Variants in IMPDH1 observed in about 807,000 individuals in gnomAD.
IMPDH1 encodes the protein inosine-5'-monophosphate dehydrogenase 1.
In IMPDH1, 41 loss-of-function variants were observed where a neutral mutation model predicts 73.5. The ratio of observed to expected loss-of-function variants is 0.56; its 90% CI spans 0.43 to 0.72. The LOEUF is 0.72. IMPDH1 is among the 30% of genes least tolerant of loss of function. The pLI, the probability that IMPDH1 is intolerant of heterozygous loss-of-function variation, is 0.00. For synonymous variants in IMPDH1, 318 were observed against 334.3 expected (o/e 0.95, Z 0.53); for missense variants, 645 against 824.8 (o/e 0.78, Z 2.67).
rs748894253 is a variant in IMPDH1, at chr7:128,396,716, G to C, written c.1166-21C>G. ...CACCACTGGGGGTGGGGATGGGGCA[G>C]AGGAACAATGTGAGGATGGGATGCC... On this transcript the variant is annotated intron_variant, in intron 11 of 16. Transcript: ENST00000338791. This position sits in a 1 kb window ranked among gnomAD's most constrained non-coding sequence, Gnocchi z 4.0. 12 of 1,537,460 alleles carry C rather than the reference G, an allele frequency of 7.8e-6. No individual in the cohort carries two copies. In the South Asian group the frequency reaches 1.3e-4, roughly 17 times the overall value.
rs1797734932 is a variant in IMPDH1, at chr7:128,394,162, G to T, written c.1778+116C>A. On this transcript the variant is annotated intron_variant, in intron 16 of 16. Transcript: ENST00000338791. This position sits in a 1 kb window ranked among gnomAD's most constrained non-coding sequence, Gnocchi z 5.5. Reference sequence around the variant, plus strand: ...GAGGGGCCATCCTGCAGCAGCATCTGTCCCTGCTGCAGGTGGTCCATGGGG... The same window carrying T: ...GAGGGGCCATCCTGCAGCAGCATCTTTCCCTGCTGCAGGTGGTCCATGGGG... 1.7e-5 allele frequency: 14 copies of T among 815,616 alleles called. No individual in the cohort carries two copies. The highest frequency in any genetic ancestry group is 5.6e-5 in the Admixed American group (3 of 54,008). 50.5% of individuals were successfully genotyped at this position (815,616 alleles called of 1,614,324 possible).
chr7:128,392,730 A>C lies in IMPDH1; in HGVS notation c.*277T>G. ...GGCCAGGCTGGAGCAGGCTGCAGCA[A>C]GAAAGACCTGAGGCAGGCGCAGGGC... On this transcript the variant is annotated 3_prime_UTR_variant, in exon 17 of 17. Coordinates refer to ENST00000338791, the MANE Select transcript of IMPDH1 (RefSeq NM_000883.4). The C allele has an allele frequency of 2.1e-6, 1 of 476,320 alleles. No homozygotes were observed. Among genetic ancestry groups the C allele is most frequent in the Non-Finnish European group, 3.8e-6 (1 of 261,944 alleles). 29.5% of individuals were successfully genotyped at this position (476,320 alleles called of 1,614,324 possible). A position where few individuals can be genotyped will look rare whatever the true frequency, so the allele number is the denominator to read the frequency against.
At chr7:128,408,982 G>A (rs906709114) in intron 3 of IMPDH1, among the ~76,000 whole-genome samples, 1 of 152,210 alleles carries the variant, frequency 6.6e-6, no homozygotes, top group African/African-American at 2.4e-5. Context: ...ATCTAACCCA[G>A]CTGCCAGGTC....
At chr7:128,393,142 C>T in intron 16 of IMPDH1, 114 bp from the exon 17 acceptor site, 1 of 1,203,946 alleles carries the variant, frequency 8.3e-7, no homozygotes, top group Admixed American at 1.8e-5. Context: ...CTGAGAAGCC[C>T]TGAGATCTCA....
Position 128,405,876 on chromosome 7 carries a change from A to T in IMPDH1, c.255-11T>A. The T allele has an allele frequency of 6.6e-7, 1 of 1,515,710 alleles. No individual in the cohort carries two copies. The highest frequency in any genetic ancestry group is 8.8e-7 in the Non-Finnish European group (1 of 1,133,748). 93.9% of individuals were successfully genotyped at this position (1,515,710 alleles called of 1,614,324 possible). On this transcript the variant is annotated splice_polypyrimidine_tract_variant and intron_variant, in intron 3 of 16. Transcript: ENST00000338791. ...AGGTAGTCCGCCATGCTGCCGCGAG[A>T]CCCCGCGACCCGACATAAACACCCG...
intron 5 of IMPDH1, 33 bp downstream of exon 5, chr7:128,403,673 C>T: frequency 1.3e-6 from 2 of 1,596,254 alleles, no homozygotes; most frequent in East Asian, 2.2e-5. Flanking sequence ...ACATACACAG[C>T]CCCCTCCCCT....
At chr7:128,408,097 C>T (rs564117256) in intron 3 of IMPDH1, among the ~76,000 whole-genome samples, 96 of 152,230 alleles carry the variant, frequency 6.3e-4, no homozygotes, top group African/African-American at 1.8e-3. Flanking sequence ...GAGGAGACAC[C>T]GAGGCAACCA....
chr7:128,403,201 T>C (rs562514958), intron 5 of IMPDH1, among the ~76,000 whole-genome samples: 1 of 152,274 alleles, frequency 6.6e-6, no homozygotes, highest in South Asian at 2.1e-4. Context: ...TTCCCATAGC[T>C]GCCTCTGCCC....
chr7:128,405,778 G>A lies in IMPDH1; in HGVS notation c.342C>T (p.Gly114=), dbSNP rs1413175905. 5 of 1,538,302 alleles carry A rather than the reference G, an allele frequency of 3.3e-6. No homozygotes were observed. Among genetic ancestry groups the A allele is most frequent in the Non-Finnish European group, 3.5e-6 (4 of 1,143,280 alleles). Residue 114 remains glycine (G), a synonymous_variant, in exon 4 of 17, where the codon GGC becomes GGT. Transcript: ENST00000338791. ...TAQQLFASAD[G]LTYNDFLILP... is the part of the protein sequence containing the mutation. Reference sequence around the variant, plus strand: ...GACCCGGCGCTTACTTGTAGGTGAGGCCGTCGGCGCTGGCGAAGAGCTGCT... The same window carrying A: ...GACCCGGCGCTTACTTGTAGGTGAGACCGTCGGCGCTGGCGAAGAGCTGCT...
At position 128,405,791 on chromosome 7, in the gene IMPDH1, G is replaced by C; in HGVS notation, c.329C>G (p.Ala110Gly). The C allele has an allele frequency of 6.5e-7, 1 of 1,541,054 alleles. No individual in the cohort carries two copies. The highest frequency in any genetic ancestry group is 1.2e-5 in the South Asian group (1 of 83,060). The change falls in exon 4 of 17, where the codon GCC (alanine) becomes GGC (glycine). Residue 110 changes from alanine to glycine, a missense_variant. By Grantham distance (60) the Ala-to-Gly change is moderately conservative. This residue lies in a region of IMPDH1 where 186 missense variants were observed against 186.6 expected (regional missense o/e 1.00). Coordinates refer to ENST00000338791, the MANE Select transcript of IMPDH1 (RefSeq NM_000883.4). Reference sequence around the variant, plus strand: ...CTTGTAGGTGAGGCCGTCGGCGCTGGCGAAGAGCTGCTGCGCGGTGAGCCC... The same window carrying C: ...CTTGTAGGTGAGGCCGTCGGCGCTGCCGAAGAGCTGCTGCGCGGTGAGCCC... ...EDGLTAQQLFASADGLTYNDF... is the reference protein window; with the variant it reads ...EDGLTAQQLFGSADGLTYNDF...
rs1167899503 is a variant in IMPDH1 at position 128,398,404 on chromosome 7, G to C, written c.1074+10C>G. The C allele has an allele frequency of 3.1e-6, 5 of 1,611,812 alleles. No individual in the cohort carries two copies. The highest frequency in any genetic ancestry group is 3.4e-6 in the Non-Finnish European group (4 of 1,179,022). On this transcript the variant is annotated intron_variant, in intron 10 of 16. Transcript: ENST00000338791. This position sits in a 1 kb window ranked among gnomAD's most constrained non-coding sequence, Gnocchi z 4.3. The stretch of plus-strand genomic sequence containing the variant: ...ATCCATCTCCCCCACCACTCAGGCG[G>C]GGGCCTTACCAAGACTATGACGTCG...
intron 3 of IMPDH1, 116 bp from the exon 4 acceptor site, chr7:128,405,981 G>T (rs1160436102): frequency 7.0e-6 from 6 of 858,604 alleles, no homozygotes; most frequent in South Asian, 1.0e-4. Context: ...GCCGCGGGCC[G>T]GGCGGGCCGG....
At position 128,394,973 on chromosome 7, in the gene IMPDH1, T is replaced by C. The variant is rs770190578; in HGVS notation, c.1466A>G (p.Asp489Gly). Residue 489 changes from aspartate (D) to glycine (G), a missense_variant, in exon 14 of 17, where the codon GAC becomes GGC. By Grantham distance (94) the Asp-to-Gly change is moderately conservative. Transcript: ENST00000338791. This position sits in a 1 kb window ranked among gnomAD's most constrained non-coding sequence, Gnocchi z 5.5. ...TEAPGEYFFS[D>G]GVRLKKYRGM... The stretch of plus-strand genomic sequence containing the variant: ...CCGGTACTTCTTGAGCCGCACCCCG[T>C]CTGAGAAGAAGTACTCGCCAGGGGC... 1 of 1,613,954 alleles carries C rather than the reference T, an allele frequency of 6.2e-7. No individual in the cohort carries two copies. The highest frequency in any genetic ancestry group is 1.7e-5 in the Admixed American group (1 of 60,008).
rs2116660156 is a variant in IMPDH1, at chr7:128,400,377, T to C, written c.742A>G (p.Ile248Val). 6.2e-7 allele frequency: 1 copy of C among 1,613,344 alleles called. No individual in the cohort carries two copies. The highest frequency in any genetic ancestry group is 2.2e-5 in the East Asian group (1 of 44,856). The change falls in exon 8 of 17, where the codon ATC becomes GTC. Residue 248 changes from isoleucine to valine, a missense_variant. This residue lies in a region of IMPDH1 where 459 missense variants were observed against 638.2 expected (regional missense o/e 0.72). Coordinates refer to ENST00000338791, the MANE Select transcript of IMPDH1 (RefSeq NM_000883.4). ...TGGTCCTTCTCAGCAAGAAAGTCGA[T>C]GTCTCGGGAGGTGACGATGCCCACC... Reference protein sequence around the residue: ...KLVGIVTSRDIDFLAEKDHTT... With the variant: ...KLVGIVTSRDVDFLAEKDHTT...
intron 4 of IMPDH1, among the ~76,000 whole-genome samples, chr7:128,404,529 C>T (rs962165146): frequency 6.6e-6 from 1 of 152,110 alleles, no homozygotes; most frequent in Non-Finnish European, 1.5e-5. Context: ...TTGAGAGACA[C>T]ACCCAAAAGC....
intron 7 of IMPDH1, 72 bp from the exon 8 acceptor site, chr7:128,400,611 C>G: frequency 6.9e-7 from 1 of 1,442,396 alleles, no homozygotes; most frequent in South Asian, 1.2e-5. Flanking sequence ...CCACAGGGAA[C>G]AGAGGATGCA....
chr7:128,407,562 A>C (rs575715699), intron 3 of IMPDH1, among the ~76,000 whole-genome samples: 46 of 152,304 alleles, frequency 3.0e-4, no homozygotes, highest in South Asian at 2.1e-3. Context: ...GTGCCTGACC[A>C]TTCAGAGCTG....
intron 5 of IMPDH1, among the ~76,000 whole-genome samples, chr7:128,402,378 C>T (rs373313935): frequency 6.6e-6 from 1 of 152,364 alleles, no homozygotes; most frequent in Non-Finnish European, 1.5e-5. Flanking sequence ...GCTGGGATTA[C>T]AGGCATGAGC....
Position 128,394,749 on chromosome 7 carries a change from G to T in IMPDH1, c.1550+140C>A. 1 of 1,388,596 alleles carries T rather than the reference G, an allele frequency of 7.2e-7. No individual in the cohort carries two copies. Among genetic ancestry groups the T allele is most frequent in the Non-Finnish European group, 1.0e-6 (1 of 993,226 alleles). 86.0% of individuals were successfully genotyped at this position (1,388,596 alleles called of 1,614,324 possible). A position where few individuals can be genotyped will look rare whatever the true frequency, so the allele number is the denominator to read the frequency against. ...TCAGATGGCCCAGGGACAGATCCTG[G>T]GTCTGCTACTTAAGCCCTGTGCCTC... On this transcript the variant is annotated intron_variant, in intron 14 of 16. Coordinates refer to ENST00000338791, the MANE Select transcript of IMPDH1 (RefSeq NM_000883.4). This position sits in a 1 kb window ranked among gnomAD's most constrained non-coding sequence, Gnocchi z 5.5.
Sources: allele counts gnomAD v4.1 joint callset (sites outside exome capture counted in the v4.1 genomes callset), GRCh38; gene constraint gnomAD v4.1.1; regional missense constraint gnomAD v4.1.1; non-coding constraint Gnocchi (gnomAD v3.1); transcripts MANE v1.5; gene names NCBI Gene and HGNC (gene_info 2026-07-23, HGNC 2026-07-21).